Variants in ESD observed in about 807,000 individuals in gnomAD.
ESD encodes esterase D.
Under a neutral mutation model 38.1 loss-of-function variants are expected in ESD, and 34 were observed. The ratio of observed to expected loss-of-function variants is 0.89; its 90% CI spans 0.68 to 1.19. The LOEUF is 1.19. ESD is among the 50% of genes most tolerant of loss of function. The pLI is 0.00. For synonymous variants in ESD, 97 were observed against 107.0 expected (o/e 0.91, Z 0.58); for missense variants, 334 against 327.2 (o/e 1.02, Z -0.16).
At chr13:46,783,101 C>G (rs186176965) in intron 5 of ESD, among the ~76,000 whole-genome samples, 257 of 152,050 alleles carry the variant, frequency 1.7e-3, no homozygotes, top group African/African-American at 5.9e-3. Context: ...ACATATGTTT[C>G]CTTACTCTGG....
At chr13:46,794,170 C>A (rs939234400) in intron 1 of ESD, among the ~76,000 whole-genome samples, 7 of 148,812 alleles carry the variant, frequency 4.7e-5, no homozygotes, top group Non-Finnish European at 7.5e-5. Context: ...AAAACAACAA[C>A]AACAACAACA....
intron 9 of ESD, 32 bp from the exon 10 acceptor site, chr13:46,771,528 C>T (rs1391055700): frequency 7.4e-7 from 1 of 1,351,326 alleles, no homozygotes; most frequent in South Asian, 1.2e-5. Flanking sequence ...AGACATTTAT[C>T]TACCATTCAG....
At chr13:46,791,548 C>T in intron 2 of ESD, 128 bp from the exon 3 acceptor site, 1 of 639,548 alleles carries the variant, frequency 1.6e-6, no homozygotes, top group South Asian at 2.2e-5. Context: ...TTTTTTTTCA[C>T]ATTTTTCTCC....
chr13:46,771,355 C>A lies in ESD; in HGVS notation c.*61G>T. 1 of 1,056,068 alleles carries A rather than the reference C, an allele frequency of 9.5e-7. No homozygotes were observed. Among genetic ancestry groups the A allele is most frequent in the Non-Finnish European group, 1.4e-6 (1 of 725,380 alleles). The allele number at this position is 1,056,068 out of a possible 1,614,324, so 65.4% of individuals were successfully genotyped here. A position where few individuals can be genotyped will look rare whatever the true frequency, so the allele number is the denominator to read the frequency against. On this transcript the variant is annotated 3_prime_UTR_variant, in exon 10 of 10. Transcript: ENST00000378720. ...TTGAATTTTTTTTTTTTTTGCTCAG[C>A]AATACAGTTGCATTTTACAACTTTT...
intron 9 of ESD, among the ~76,000 whole-genome samples, chr13:46,774,566 C>G (rs570649915): frequency 6.6e-6 from 1 of 152,226 alleles, no homozygotes; most frequent in Middle Eastern, 3.4e-3. Context: ...AATGGAAAAT[C>G]CTTGGTAGCA....
chr13:46,793,646 T>C (rs185334832), intron 1 of ESD, among the ~76,000 whole-genome samples: 1 of 152,322 alleles, frequency 6.6e-6, no homozygotes, highest in Non-Finnish European at 1.5e-5. Flanking sequence ...GCCACCTTAA[T>C]ACCTATTTTG....
At chr13:46,796,430 C>A (rs949539423) in intron 1 of ESD, among the ~76,000 whole-genome samples, 2 of 152,230 alleles carry the variant, frequency 1.3e-5, no homozygotes, top group Admixed American at 6.5e-5. Context: ...ACCACACACA[C>A]AAACATGAGC....
chr13:46,796,948 T>C lies in ESD; in HGVS notation c.-56+157A>G, dbSNP rs138813397. Among the ~76,000 whole-genome samples the C allele has an allele frequency of 3.1e-3, 469 of 152,342 alleles. 3 individuals are homozygous for C. The highest frequency in any genetic ancestry group is 0.01 in the African/African-American group (433 of 41,580). On this transcript the variant is annotated intron_variant, in intron 1 of 9. Transcript: ENST00000378720. ...GGAAAAGGTCCTTGGCCTCCTGTCA[T>C]GGATGGTGGCGCCCAAGGCCCAGGG...
rs555202266 is a variant in ESD at position 46,772,775 on chromosome 13, C to G, written c.769-1279G>C. Among the ~76,000 whole-genome samples, 67 of 152,230 alleles carry G rather than the reference C, an allele frequency of 4.4e-4. 2 individuals are homozygous for G. Among genetic ancestry groups the G allele is most frequent in the African/African-American group, 1.5e-3 (64 of 41,552 alleles). ...TCTTGGCTCACTGCAACCTCCACATCCCGGGTTCAAGCGATTCTCCTGCCT... is the reference window on the plus strand; with the variant it reads ...TCTTGGCTCACTGCAACCTCCACATGCCGGGTTCAAGCGATTCTCCTGCCT... On this transcript the variant is annotated intron_variant, in intron 9 of 9. Transcript: ENST00000378720.
At chr13:46,782,450 T>C (rs968681614) in intron 6 of ESD, among the ~76,000 whole-genome samples, 1 of 151,836 alleles carries the variant, frequency 6.6e-6, no homozygotes, top group Non-Finnish European at 1.5e-5. Context: ...TTATTCTGGG[T>C]AGTATAAACA....
At chr13:46,778,261 G>A (rs1027072677) in intron 8 of ESD, among the ~76,000 whole-genome samples, 2 of 151,668 alleles carry the variant, frequency 1.3e-5, no homozygotes, top group Non-Finnish European at 3.0e-5. Context: ...CATCCACCTC[G>A]AAATATTCTT....
chr13:46,779,503 A>G (rs1341350509), intron 8 of ESD, among the ~76,000 whole-genome samples: 1 of 151,380 alleles, frequency 6.6e-6, no homozygotes, highest in Non-Finnish European at 1.5e-5. Flanking sequence ...TTGAATTTTT[A>G]GATTAGGGAT....
At position 46,797,102 on chromosome 13, in the gene ESD, T is replaced by A. The variant is rs952935666; in HGVS notation, c.-56+3A>T. 6.6e-5 allele frequency: 10 copies of A among 152,342 alleles called. No homozygotes were observed. The highest frequency in any genetic ancestry group is 2.2e-4 in the African/African-American group (9 of 41,456). The allele number at this position is 152,342 out of a possible 1,614,324, so 9.4% of individuals were successfully genotyped here. On this transcript the variant is annotated splice_donor_region_variant and intron_variant, in intron 1 of 9. Transcript: ENST00000378720. ...CCAGGCCTCTACCCGAACCCAGTCT[T>A]ACCTACGGTGGCGGAGTGACCAGAA...
Position 46,787,101 on chromosome 13 carries a change from AG to A in ESD, c.76del (p.Leu26Ter). 1 of 1,562,864 alleles carries A rather than the reference AG, an allele frequency of 6.4e-7. No homozygotes were observed. Among genetic ancestry groups the A allele is most frequent in the Middle Eastern group, 1.7e-4 (1 of 5,718 alleles). ...GACAGCAAATTTCATTTTGCAGTTT[AG>A]TTCAACACTAGTTTTAACAAAAACA... ...QKVFEHDSVELNCKMKFAVYL... is the reference protein window; with the variant it reads ...QKVFEHDSVEXNCKMKFAVYL... On this transcript the variant is annotated frameshift_variant, in exon 4 of 10. Transcript: ENST00000378720. LOFTEE classifies it high-confidence loss of function.
chr13:46,774,030 T>A (rs1293728318), intron 9 of ESD, among the ~76,000 whole-genome samples: 1 of 152,116 alleles, frequency 6.6e-6, no homozygotes, highest in Non-Finnish European at 1.5e-5. Context: ...AGAAAATGGG[T>A]ACAGATGCAG....
chr13:46,782,335 C>T (rs1008775919), intron 6 of ESD, among the ~76,000 whole-genome samples: 1 of 151,752 alleles, frequency 6.6e-6, no homozygotes, highest in African/African-American at 2.4e-5. Context: ...TAATGCTTTA[C>T]CACTTATGTT....
chr13:46,782,720 T>G lies in ESD; in HGVS notation c.328A>C (p.Thr110Pro), dbSNP rs773232227. Residue 110 changes from threonine to proline, a missense_variant, in exon 6 of 10, where the codon ACT becomes CCT. Transcript: ENST00000378720. The stretch of plus-strand genomic sequence containing the variant: ...TAGTTGGTTTTCCAAGGATCTTCAG[T>G]GGCATCAACATAAAATCCAGCACCA... ...GTGAGFYVDA[T>P]EDPWKTNYRM... 3.1e-6 allele frequency: 5 copies of G among 1,612,388 alleles called. No homozygotes were observed. The highest frequency in any genetic ancestry group is 1.1e-5 in the South Asian group (1 of 91,024).
intron 9 of ESD, among the ~76,000 whole-genome samples, chr13:46,771,768 T>C (rs1593401819): frequency 6.6e-6 from 1 of 152,022 alleles, no homozygotes; most frequent in South Asian, 2.1e-4. Flanking sequence ...GCCATTAATA[T>C]GTAAAGAGTG....
At chr13:46,791,898 G>GGT (rs940531117) in intron 2 of ESD, among the ~76,000 whole-genome samples, 4 of 151,546 alleles carry the variant, frequency 2.6e-5, no homozygotes, top group Admixed American at 1.3e-4. Flanking sequence ...GAACACTTAC[G>GGT]GTGTGATACA....
Sources: allele counts gnomAD v4.1 joint callset (sites outside exome capture counted in the v4.1 genomes callset), GRCh38; gene constraint gnomAD v4.1.1; transcripts MANE v1.5; gene names NCBI Gene and HGNC (gene_info 2026-07-23, HGNC 2026-07-21).